The following TAFA4 variants were observed in gnomAD, a reference collection of about 807,000 sequenced individuals.
The protein encoded by TAFA4 is TAFA chemokine like family member 4.
A neutral mutation model predicts 21.1 loss-of-function variants in TAFA4; 20 were observed. The ratio of observed to expected loss-of-function variants is 0.95; its 90% CI spans 0.67 to 1.38. The LOEUF (loss-of-function observed/expected upper bound fraction) is 1.38. Ranked by LOEUF, TAFA4 falls within the 40% of genes most tolerant of loss-of-function variation. The probability of loss-of-function intolerance (pLI) is 0.00; values close to 1 mark genes in which losing one functional copy is unlikely to be tolerated. For synonymous variants in TAFA4, 71 were observed against 67.4 expected (o/e 1.05, Z -0.26); for missense variants, 211 against 180.9 (o/e 1.17, Z -0.95).
chr3:68,740,486 T>C (rs1702329043), intron 4 of TAFA4, among the ~76,000 whole-genome samples: 1 of 152,222 alleles, frequency 6.6e-6, no homozygotes, highest in Non-Finnish European at 1.5e-5. Context: ...GTCATTTGTA[T>C]GTCTTCCTTG....
In TAFA4 at chr3:68,930,899, G is replaced by A. The variant is rs558392105; in HGVS notation, c.-123+1341C>T. On this transcript the variant is annotated intron_variant, in intron 1 of 5. Transcript: ENST00000295569. ...ACACTAATTATATTGCAAAATGGCT[G>A]TTCCTAAATTATTTTAGCCTTTAAA... Among the ~76,000 whole-genome samples, 27 of 152,286 alleles carry A rather than the reference G, an allele frequency of 1.8e-4. No individual in the cohort carries two copies. In the East Asian group the frequency reaches 5.2e-3, roughly 29 times the overall value.
At chr3:68,927,109 C>G (rs2090115243) in intron 1 of TAFA4, among the ~76,000 whole-genome samples, 1 of 152,156 alleles carries the variant, frequency 6.6e-6, no homozygotes, top group Non-Finnish European at 1.5e-5. Context: ...AATTGCCCCC[C>G]ATTGGAGCAA....
At position 68,779,001 on chromosome 3, in the gene TAFA4, T is replaced by C. The variant is rs552152297; in HGVS notation, c.131-25983A>G. Among the ~76,000 whole-genome samples the C allele has an allele frequency of 1.8e-4, 28 of 152,316 alleles. No homozygotes were observed. In the South Asian group the frequency reaches 5.8e-3, roughly 32 times the overall value. On this transcript the variant is annotated intron_variant, in intron 3 of 5. Coordinates refer to ENST00000295569, the MANE Select transcript of TAFA4 (RefSeq NM_182522.5). ...TGTTGAATGGCTTTGCCCAAAATGC[T>C]GATAGCGATAAGGACAATAAAGTCC...
Position 68,901,824 on chromosome 3 carries a change from C to T in TAFA4, c.-122-16514G>A, listed in dbSNP as rs539357160. Reference sequence around the variant, plus strand: ...TGGAAGGAGGGCAGATCTTGCCAACCCAAGGCTTGGGTTCTTGTCCTCACT... The same window carrying T: ...TGGAAGGAGGGCAGATCTTGCCAACTCAAGGCTTGGGTTCTTGTCCTCACT... On this transcript the variant is annotated intron_variant, in intron 1 of 5. Transcript: ENST00000295569. Among the ~76,000 whole-genome samples the T allele has an allele frequency of 2.4e-4, 36 of 152,250 alleles. No homozygotes were observed. The South Asian group carries it at 6.2e-3, about 26-fold the overall frequency.
intron 3 of TAFA4, among the ~76,000 whole-genome samples, chr3:68,841,443 G>T (rs1422066219): frequency 2.6e-5 from 4 of 152,088 alleles, no homozygotes; most frequent in Non-Finnish European, 5.9e-5. Context: ...TTTCCTGACA[G>T]GACAAGGCCA....
intron 3 of TAFA4, among the ~76,000 whole-genome samples, chr3:68,757,509 A>C (rs577457552): frequency 6.6e-6 from 1 of 152,100 alleles, no homozygotes; most frequent in African/African-American, 2.4e-5. Flanking sequence ...GCAGCTTTAA[A>C]CCCCACTAAG....
At chr3:68,807,698 G>A (rs1040589901) in intron 3 of TAFA4, among the ~76,000 whole-genome samples, 1 of 152,158 alleles carries the variant, frequency 6.6e-6, no homozygotes, top group Non-Finnish European at 1.5e-5. Flanking sequence ...AGTTAGGAGT[G>A]CCATTATGTC....
intron 3 of TAFA4, among the ~76,000 whole-genome samples, chr3:68,824,130 T>C (rs1704173699): frequency 6.6e-6 from 1 of 152,196 alleles, no homozygotes; most frequent in Admixed American, 6.5e-5. Context: ...CTAAGTTATT[T>C]TTTAAAAAAT....
chr3:68,834,642 T>C (rs546567032), intron 3 of TAFA4, among the ~76,000 whole-genome samples: 1 of 152,062 alleles, frequency 6.6e-6, no homozygotes, highest in South Asian at 2.1e-4. Flanking sequence ...CCACACCTAT[T>C]CCTCCCATAC....
chr3:68,919,530 C>G (rs2090037834), intron 1 of TAFA4, among the ~76,000 whole-genome samples: 1 of 152,096 alleles, frequency 6.6e-6, no homozygotes, highest in Admixed American at 6.6e-5. Context: ...CCAGCGCTGT[C>G]CGATCGGGCA....
At chr3:68,860,476 T>G (rs1366208880) in intron 3 of TAFA4, among the ~76,000 whole-genome samples, 1 of 152,140 alleles carries the variant, frequency 6.6e-6, no homozygotes, top group Non-Finnish European at 1.5e-5. Context: ...CTTAGTTAGG[T>G]AGTGCTCCTT....
chr3:68,900,330 T>C (rs1436232425), intron 1 of TAFA4, among the ~76,000 whole-genome samples: 3 of 150,248 alleles, frequency 2.0e-5, no homozygotes, highest in Admixed American at 6.7e-5. Context: ...TGGAAACCAT[T>C]AATTCCATAG....
intron 3 of TAFA4, among the ~76,000 whole-genome samples, chr3:68,758,103 C>T (rs920928731): frequency 2.0e-5 from 3 of 152,146 alleles, no homozygotes; most frequent in African/African-American, 7.2e-5. Context: ...AGGAAAGGTT[C>T]CCCTCTTGCT....
At chr3:68,928,288 G>A (rs1418216536) in intron 1 of TAFA4, among the ~76,000 whole-genome samples, 2 of 152,152 alleles carry the variant, frequency 1.3e-5, no homozygotes, top group African/African-American at 4.8e-5. Flanking sequence ...GGCACATACT[G>A]AGTGTTCAAC....
chr3:68,815,437 A>G (rs1703952069), intron 3 of TAFA4, among the ~76,000 whole-genome samples: 1 of 152,244 alleles, frequency 6.6e-6, no homozygotes, highest in Non-Finnish European at 1.5e-5. Flanking sequence ...TAATATCCAG[A>G]ATCTACAATA....
rs1297105619 is a variant in TAFA4 at position 68,732,393 on chromosome 3, CCAA to C, written c.*746_*748del. ...TGACTACACAAAAGCCGTAAAAATT[CCAA>C]CAAGTTTTATAAATATGTTCTGATA... On this transcript the variant is annotated 3_prime_UTR_variant, in exon 6 of 6. Coordinates refer to ENST00000295569, the MANE Select transcript of TAFA4 (RefSeq NM_182522.5). 39 of 152,566 alleles carry C rather than the reference CCAA, an allele frequency of 2.6e-4. No homozygotes were observed. Among genetic ancestry groups the C allele is most frequent in the African/African-American group, 8.9e-4 (37 of 41,502 alleles). The allele number at this position is 152,566 out of a possible 1,614,324, so 9.5% of individuals were successfully genotyped here. A position where few individuals can be genotyped will look rare whatever the true frequency, so the allele number is the denominator to read the frequency against.
intron 4 of TAFA4, among the ~76,000 whole-genome samples, chr3:68,742,034 A>C (rs770234077): frequency 5.3e-5 from 8 of 152,212 alleles, no homozygotes; most frequent in Admixed American, 1.3e-4. Flanking sequence ...ACTATGATTA[A>C]ATGGGATTTA....
chr3:68,803,422 A>C (rs1703618018), intron 3 of TAFA4, among the ~76,000 whole-genome samples: 1 of 152,096 alleles, frequency 6.6e-6, no homozygotes, highest in South Asian at 2.1e-4. Flanking sequence ...GGCAAGGCTG[A>C]TTTATTCCCA....
At chr3:68,858,167 G>A (rs1705113127) in intron 3 of TAFA4, among the ~76,000 whole-genome samples, 2 of 152,048 alleles carry the variant, frequency 1.3e-5, no homozygotes, top group African/African-American at 4.8e-5. Context: ...TCCACCTTTT[G>A]GCTAAGATCA....
Sources: allele counts gnomAD v4.1 joint callset (sites outside exome capture counted in the v4.1 genomes callset), GRCh38; gene constraint gnomAD v4.1.1; transcripts MANE v1.5; gene names NCBI Gene and HGNC (gene_info 2026-07-23, HGNC 2026-07-21).